The following CCDC61 variants were observed in gnomAD, a reference collection of about 807,000 sequenced individuals.
CCDC61 encodes coiled-coil domain containing 61, also known as centrosomal protein CCDC61.
In CCDC61, 55 loss-of-function variants were observed where a neutral mutation model predicts 63.0. The observed-to-expected ratio is 0.87, with a 90% CI of 0.70 to 1.09. CCDC61 has a LOEUF of 1.09. Among genes scored for constraint, CCDC61 ranks in the 50% least tolerant of loss-of-function variants. CCDC61 has a pLI of 0.00. For missense variants in CCDC61, 651 were observed against 731.4 expected (o/e 0.89, Z 1.27); for synonymous variants, 270 against 317.0 (o/e 0.85, Z 1.58).
In CCDC61 at chr19:46,018,511, CT is replaced by C; in HGVS notation, c.*125del. 1 of 721,344 alleles carries C rather than the reference CT, an allele frequency of 1.4e-6. No individual in the cohort carries two copies. The highest frequency in any genetic ancestry group is 2.3e-6 in the Non-Finnish European group (1 of 427,316). The allele number at this position is 721,344 out of a possible 1,614,324, so 44.7% of individuals were successfully genotyped here. ...CCTGGCCCCGTCCCTCCTGCTGCCCCTGGGGTCTCAGGTGTGTGAGGCCCTG... is the reference window on the plus strand; with the variant it reads ...CCTGGCCCCGTCCCTCCTGCTGCCCCGGGGTCTCAGGTGTGTGAGGCCCTG... On this transcript the variant is annotated 3_prime_UTR_variant, in exon 14 of 14. Coordinates refer to ENST00000595358, the MANE Select transcript of CCDC61 (RefSeq NM_001267723.2). The surrounding 1 kb of genome is among the most constrained non-coding windows in gnomAD (Gnocchi z 4.2).
chr19:46,010,979 C>T (rs1600650281), intron 5 of CCDC61, among the ~76,000 whole-genome samples: 2 of 152,204 alleles, frequency 1.3e-5, no homozygotes, highest in African/African-American at 4.8e-5. Flanking sequence ...GTCTTTTTTG[C>T]AAGTGGTTTG....
chr19:46,006,785 A>G, intron 4 of CCDC61, 69 bp downstream of exon 4: 1 of 1,428,632 alleles, frequency 7.0e-7, no homozygotes. Context: ...GGTAGGCCTT[A>G]GGAACCCCTG....
intron 1 of CCDC61, among the ~76,000 whole-genome samples, chr19:46,001,089 G>A (rs1600640177): frequency 2.0e-5 from 3 of 150,986 alleles, no homozygotes; most frequent in Admixed American, 2.0e-4. Context: ...GGTTCTGGGA[G>A]CCGGAGGGGG....
chr19:46,006,799 C>A, intron 4 of CCDC61, 83 bp downstream of exon 4: 1 of 1,294,454 alleles, frequency 7.7e-7, no homozygotes, highest in Non-Finnish European at 1.1e-6. Flanking sequence ...ACCCCTGGCA[C>A]CCAGGCAAGG....
intron 3 of CCDC61, 88 bp from the exon 4 acceptor site, chr19:46,006,471 G>A: frequency 7.6e-7 from 1 of 1,318,686 alleles, no homozygotes; most frequent in African/African-American, 1.5e-5. Context: ...CTAGAGAACG[G>A]GAAGGGCTGT....
Position 46,016,682 on chromosome 19 carries a change from CT to C in CCDC61, c.1092-6del. The C allele has an allele frequency of 6.2e-7, 1 of 1,611,778 alleles. No homozygotes were observed. The highest frequency in any genetic ancestry group is 8.5e-7 in the Non-Finnish European group (1 of 1,179,282). On this transcript the variant is annotated splice_polypyrimidine_tract_variant and intron_variant, in intron 9 of 13. Transcript: ENST00000595358. This position sits in a 1 kb window ranked among gnomAD's most constrained non-coding sequence, Gnocchi z 7.2. The stretch of plus-strand genomic sequence containing the variant: ...GGGCGTACAGACCGGCGTCTCCTTT[CT>C]TTTTTCCCAGGCAGCAGCAGCGGAA...
chr19:46,017,203 C>G (rs1309860556), intron 11 of CCDC61, 44 bp from the exon 12 acceptor site: 13 of 1,550,042 alleles, frequency 8.4e-6, no homozygotes, highest in Non-Finnish European at 1.0e-5. Context: ...TGGGAAGTAC[C>G]AGAGCCTCCC....
intron 1 of CCDC61, among the ~76,000 whole-genome samples, chr19:45,998,110 C>T (rs563530952): frequency 2.2e-4 from 34 of 152,314 alleles, no homozygotes; most frequent in African/African-American, 2.2e-4. Context: ...AAAAGTGTTG[C>T]TTCTCCTATA....
chr19:46,015,201 G>T lies in CCDC61; in HGVS notation c.704G>T (p.Gly235Val). The T allele has an allele frequency of 7.8e-7, 1 of 1,288,802 alleles. No individual in the cohort carries two copies. Among genetic ancestry groups the T allele is most frequent in the Non-Finnish European group, 9.8e-7 (1 of 1,022,648 alleles). 79.8% of individuals were successfully genotyped at this position (1,288,802 alleles called of 1,614,324 possible). Residue 235 changes from glycine (G) to valine (V), a missense_variant, in exon 6 of 14, where the codon GGC (glycine) becomes GTC (valine). By Grantham distance (109) the Gly-to-Val change is moderately radical. Transcript: ENST00000595358. The surrounding 1 kb of genome is among the most constrained non-coding windows in gnomAD (Gnocchi z 5.3). ...GAGCTGGAGCTGCGGCAGGAGCGCG[G>T]CCTCGGGCACAGGGTGGCCGGCCGT... Reference protein sequence around the residue: ...GLELELRQERGLGHRVAGRRG... With the variant: ...GLELELRQERVLGHRVAGRRG...
intron 1 of CCDC61, among the ~76,000 whole-genome samples, chr19:46,001,491 T>C (rs10423718): frequency 0.17 from 25,600 of 152,240 alleles, 2,292 homozygotes; most frequent in Middle Eastern, 0.27. Context: ...CCCAAAGTGC[T>C]GGGATTACAG....
rs753467399 is a variant in CCDC61 at position 46,016,430 on chromosome 19, T to C, written c.1091+37T>C. The C allele has an allele frequency of 6.2e-7, 1 of 1,606,496 alleles. No individual in the cohort carries two copies. The highest frequency in any genetic ancestry group is 1.3e-5 in the African/African-American group (1 of 74,854). Reference sequence around the variant, plus strand: ...TTCCTCCCTCACCTGCCCCTGTCCCTGGCCCGTGCCCGCTCCCGGGCTCTC... The same window carrying C: ...TTCCTCCCTCACCTGCCCCTGTCCCCGGCCCGTGCCCGCTCCCGGGCTCTC... On this transcript the variant is annotated intron_variant, in intron 9 of 13. Transcript: ENST00000595358. The surrounding 1 kb of genome is among the most constrained non-coding windows in gnomAD (Gnocchi z 7.2).
chr19:46,003,827 G>C (rs1968642440), intron 3 of CCDC61, among the ~76,000 whole-genome samples: 1 of 109,198 alleles, frequency 9.2e-6, no homozygotes, highest in South Asian at 2.6e-4. Context: ...ATACGTGTGT[G>C]TGTGTGTGTG....
rs1332229340 is a variant in CCDC61 at position 46,015,796 on chromosome 19, G to C, written c.846-258G>C. 5.9e-5 allele frequency among the ~76,000 whole-genome samples: 9 copies of C among 151,988 alleles called. No individual in the cohort carries two copies. Among genetic ancestry groups the C allele is most frequent in the Admixed American group, 5.9e-4 (9 of 15,270 alleles). Reference sequence around the variant, plus strand: ...AATTGGAAAGAGTTTCCGGGGAGTTGTGGAAGACTCCGGAAAGAAGGGTCT... The same window carrying C: ...AATTGGAAAGAGTTTCCGGGGAGTTCTGGAAGACTCCGGAAAGAAGGGTCT... On this transcript the variant is annotated intron_variant, in intron 7 of 13. Coordinates refer to ENST00000595358, the MANE Select transcript of CCDC61 (RefSeq NM_001267723.2). The surrounding 1 kb of genome is among the most constrained non-coding windows in gnomAD (Gnocchi z 5.3).
intron 12 of CCDC61, among the ~76,000 whole-genome samples, 166 bp downstream of exon 12, chr19:46,017,470 G>C (rs11669048): frequency 0.51 from 77,614 of 151,300 alleles, 20,686 homozygotes; most frequent in Middle Eastern, 0.6. Flanking sequence ...GGCAATTGTA[G>C]CTCACGGCAG....
At chr19:46,002,924 G>T (rs1229661318) in intron 1 of CCDC61, 84 bp from the exon 2 acceptor site, 17 of 1,337,142 alleles carry the variant, frequency 1.3e-5, no homozygotes, top group Non-Finnish European at 1.8e-5. Flanking sequence ...GTAAATGATG[G>T]AGCCAGGATA....
intron 2 of CCDC61, 36 bp from the exon 3 acceptor site, chr19:46,003,383 G>T: frequency 6.3e-7 from 1 of 1,590,832 alleles, no homozygotes; most frequent in Non-Finnish European, 8.6e-7. Context: ...CTGGGCAAGC[G>T]GTCAGACCTC....
At chr19:46,006,983 T>TCC (rs1201500849) in intron 4 of CCDC61, among the ~76,000 whole-genome samples, 1 of 152,060 alleles carries the variant, frequency 6.6e-6, no homozygotes, top group African/African-American at 2.4e-5. Context: ...GCCACCTGTT[T>TCC]AACAGTTCCA....
chr19:46,012,728 T>C (rs1968851979), intron 5 of CCDC61, among the ~76,000 whole-genome samples: 1 of 152,134 alleles, frequency 6.6e-6, no homozygotes, highest in Admixed American at 6.5e-5. Context: ...GAGACCCTCC[T>C]GCCCCAACCA....
At chr19:46,014,542 CTT>C (rs1968887387) in intron 5 of CCDC61, among the ~76,000 whole-genome samples, 2 of 152,144 alleles carry the variant, frequency 1.3e-5, no homozygotes, top group South Asian at 4.1e-4. Flanking sequence ...TATTTCCACT[CTT>C]TTGCTATTAC....
Sources: allele counts gnomAD v4.1 joint callset (sites outside exome capture counted in the v4.1 genomes callset), GRCh38; gene constraint gnomAD v4.1.1; non-coding constraint Gnocchi (gnomAD v3.1); transcripts MANE v1.5; gene names NCBI Gene and HGNC (gene_info 2026-07-23, HGNC 2026-07-21).